Variants in CMSS1 observed in about 807,000 individuals in gnomAD.
The protein encoded by CMSS1 is cms1 ribosomal small subunit homolog, also known as protein CMSS1.
A neutral mutation model predicts 43.5 loss-of-function variants in CMSS1; 33 were observed. The observed-to-expected ratio is 0.76, with a 90% CI of 0.57 to 1.01. The LOEUF is 1.01. Ranked by LOEUF, CMSS1 falls within the 50% of genes least tolerant of loss-of-function variation. The pLI is 0.00. For missense variants in CMSS1, 313 were observed against 326.4 expected, an observed-to-expected ratio of 0.96 and a Z score of 0.32; for synonymous variants, 115 against 117.2, an observed-to-expected ratio of 0.98 and a Z score of 0.12.
At chr3:99,896,201 G>A (rs1236683718) in intron 1 of CMSS1, among the ~76,000 whole-genome samples, 1 of 152,196 alleles carries the variant, frequency 6.6e-6, no homozygotes, top group Non-Finnish European at 1.5e-5. Flanking sequence ...ATACATAAAG[G>A]GAGTAGGTCA....
intron 8 of CMSS1, among the ~76,000 whole-genome samples, chr3:100,173,508 A>G (rs2067126676): frequency 6.6e-6 from 1 of 152,198 alleles, no homozygotes; most frequent in African/African-American, 2.4e-5. Context: ...CCAGCTGAAG[A>G]ACTAAGTGTA....
intron 1 of CMSS1, among the ~76,000 whole-genome samples, chr3:99,819,757 CTT>C (rs551286788): frequency 1.1e-4 from 15 of 135,954 alleles, no homozygotes; most frequent in East Asian, 2.1e-4. Flanking sequence ...TTTTTTTTTT[CTT>C]TTTTTTTTTT....
chr3:100,166,306 T>G, intron 4 of CMSS1, 29 bp from the exon 5 acceptor site: 1 of 1,473,098 alleles, frequency 6.8e-7, no homozygotes, highest in Non-Finnish European at 9.5e-7. Context: ...TACAAAATTA[T>G]CTACAAAGCA....
At chr3:100,158,186 T>G (rs555139706) in intron 2 of CMSS1, among the ~76,000 whole-genome samples, 2 of 152,342 alleles carry the variant, frequency 1.3e-5, no homozygotes, top group East Asian at 3.9e-4. Flanking sequence ...CCATTTGCCA[T>G]GTGTAACCAG....
At chr3:99,841,278 G>T (rs931787452) in intron 1 of CMSS1, among the ~76,000 whole-genome samples, 1 of 152,132 alleles carries the variant, frequency 6.6e-6, no homozygotes, top group Non-Finnish European at 1.5e-5. Flanking sequence ...TTGTACCTTT[G>T]TTTCTTTCAA....
At chr3:100,047,531 C>T (rs999690389) in intron 1 of CMSS1, among the ~76,000 whole-genome samples, 1 of 152,214 alleles carries the variant, frequency 6.6e-6, no homozygotes, top group Non-Finnish European at 1.5e-5. Context: ...AAGCTACTGA[C>T]TGCGAATGAT....
At chr3:99,830,264 G>A (rs1273972979) in intron 1 of CMSS1, 5 of 340,940 alleles carry the variant, frequency 1.5e-5, no homozygotes, top group Non-Finnish European at 2.9e-5. Context: ...AATTGTAGAC[G>A]TGCTGCTTTT....
At chr3:99,827,673 C>T (rs187343462) in intron 1 of CMSS1, among the ~76,000 whole-genome samples, 2 of 152,040 alleles carry the variant, frequency 1.3e-5, no homozygotes, top group South Asian at 2.1e-4. Flanking sequence ...GGCGCAATCT[C>T]GGCTCACTGC....
At chr3:99,998,761 G>A (rs1406802381) in intron 1 of CMSS1, among the ~76,000 whole-genome samples, 5 of 152,230 alleles carry the variant, frequency 3.3e-5, no homozygotes, top group South Asian at 2.1e-4. Flanking sequence ...AGTAGAGACC[G>A]GGTTTCACCG....
chr3:99,947,509 C>G (rs1221746341), intron 1 of CMSS1, among the ~76,000 whole-genome samples: 2 of 152,128 alleles, frequency 1.3e-5, no homozygotes, highest in Non-Finnish European at 2.9e-5. Flanking sequence ...CCAGAAGGGA[C>G]CCAGAGCTAA....
intron 1 of CMSS1, among the ~76,000 whole-genome samples, chr3:99,837,560 A>C (rs185608067): frequency 2.0e-5 from 3 of 152,314 alleles, no homozygotes; most frequent in Admixed American, 1.3e-4. Context: ...GAGGGGAGAC[A>C]TAGGAGCCAA....
chr3:100,099,954 C>T (rs1007844767), intron 1 of CMSS1, among the ~76,000 whole-genome samples: 13 of 152,096 alleles, frequency 8.5e-5, no homozygotes, highest in African/African-American at 3.1e-4. Context: ...CATCCATGCT[C>T]AAGTTGAGAC....
intron 1 of CMSS1, among the ~76,000 whole-genome samples, chr3:99,991,686 T>G (rs879671530): frequency 2.0e-5 from 3 of 152,006 alleles, no homozygotes; most frequent in Non-Finnish European, 4.4e-5. Context: ...CTCCCACTTA[T>G]AGGTGAGAAC....
At chr3:100,151,980 C>T (rs879390519) in intron 2 of CMSS1, among the ~76,000 whole-genome samples, 20 of 152,172 alleles carry the variant, frequency 1.3e-4, no homozygotes, top group Admixed American at 1.3e-3. Context: ...CTCCCACATG[C>T]TCAACACACA....
rs572224023 is a variant in CMSS1 at position 99,841,504 on chromosome 3, C to T, written c.64+23461C>T. Among the ~76,000 whole-genome samples, 28 of 152,276 alleles carry T rather than the reference C, an allele frequency of 1.8e-4. No homozygotes were observed. In the South Asian group the frequency reaches 5.8e-3, roughly 32 times the overall value. ...TGTAACCACCACAGGCATGAATATT[C>T]ATTAGTAACCTCACCTCCACCTATC... is the stretch of plus-strand genomic sequence containing the variant. On this transcript the variant is annotated intron_variant, in intron 1 of 9. Coordinates refer to ENST00000421999, the MANE Select transcript of CMSS1 (RefSeq NM_032359.4).
At chr3:100,028,128 G>A (rs1335497800) in intron 1 of CMSS1, among the ~76,000 whole-genome samples, 1 of 152,132 alleles carries the variant, frequency 6.6e-6, no homozygotes, top group Non-Finnish European at 1.5e-5. Context: ...AAACACTAAT[G>A]CCAGGCAGCA....
chr3:100,103,576 A>G (rs1206430012), intron 1 of CMSS1, among the ~76,000 whole-genome samples: 1 of 152,200 alleles, frequency 6.6e-6, no homozygotes, highest in Non-Finnish European at 1.5e-5. Flanking sequence ...AACAACAACC[A>G]TTCTTCATGT....
chr3:99,986,760 T>A (rs1431245311), intron 1 of CMSS1, among the ~76,000 whole-genome samples: 1 of 152,048 alleles, frequency 6.6e-6, no homozygotes, highest in Non-Finnish European at 1.5e-5. Flanking sequence ...CCCCAGGGGA[T>A]GGTAGGAAGT....
chr3:99,974,165 A>G (rs1708901541), intron 1 of CMSS1, among the ~76,000 whole-genome samples: 1 of 152,198 alleles, frequency 6.6e-6, no homozygotes, highest in South Asian at 2.1e-4. Flanking sequence ...ATTGGACAAT[A>G]TGAGTATTTC....
Sources: gnomAD v4.1 joint callset for allele counts (sites outside exome capture counted in the v4.1 genomes callset) on GRCh38, gnomAD v4.1.1 for gene constraint, MANE v1.5 for transcripts, NCBI Gene and HGNC (gene_info 2026-07-23, HGNC 2026-07-21) for gene names.